Variants in CFTR observed in about 807,000 individuals in gnomAD.
The protein encoded by CFTR is cystic fibrosis transmembrane conductance regulator.
Under a neutral mutation model 171.6 loss-of-function variants are expected in CFTR, and 181 were observed. The observed-to-expected ratio is 1.05, with a 90% CI of 0.93 to 1.19. The LOEUF (loss-of-function observed/expected upper bound fraction) is 1.19. Among genes scored for constraint, CFTR ranks in the 50% most tolerant of loss-of-function variants. The pLI, the probability that CFTR is intolerant of heterozygous loss-of-function variation, is 0.00. For missense variants in CFTR, 1,968 were observed against 1,734.7 expected (o/e 1.13, Z -2.39); for synonymous variants, 583 against 608.0 (o/e 0.96, Z 0.60).
At position 117,662,918 on chromosome 7, in the gene CFTR, A is replaced by G. The variant is rs1215303607; in HGVS notation, c.3964-1770A>G. On this transcript the variant is annotated intron_variant, in intron 24 of 26. Transcript: ENST00000003084. The stretch of plus-strand genomic sequence containing the variant: ...GTCTGGAGAGTTGGAAATGACAAAG[A>G]CTAATATTCAAGGGGGCAGGAAGAG... 2.0e-5 allele frequency among the ~76,000 whole-genome samples: 3 copies of G among 152,190 alleles called. No individual in the cohort carries two copies. The South Asian group carries it at 6.2e-4, about 32-fold the overall frequency.
intron 13 of CFTR, among the ~76,000 whole-genome samples, chr7:117,590,842 GT>G (rs1240564806): frequency 1.3e-5 from 2 of 151,960 alleles, no homozygotes; most frequent in Non-Finnish European, 2.9e-5. Flanking sequence ...TATATGCTAA[GT>G]GTTTTACTGG....
At chr7:117,572,214 T>C (rs1422455397) in intron 11 of CFTR, among the ~76,000 whole-genome samples, 4 of 152,060 alleles carry the variant, frequency 2.6e-5, no homozygotes, top group African/African-American at 9.7e-5. Context: ...GTTGGCCAAG[T>C]TGGTCTGGAA....
At chr7:117,640,696 T>C (rs1233765849) in intron 22 of CFTR, among the ~76,000 whole-genome samples, 1 of 152,194 alleles carries the variant, frequency 6.6e-6, no homozygotes, top group African/African-American at 2.4e-5. Flanking sequence ...ATGAATGTGT[T>C]TGTGCAACAT....
intron 24 of CFTR, among the ~76,000 whole-genome samples, chr7:117,663,480 GT>G (rs1470280971): frequency 7.2e-6 from 1 of 139,780 alleles, no homozygotes; most frequent in African/African-American, 2.7e-5. Context: ...ACTTTCAAAT[GT>G]TTTTTGCTTG....
At chr7:117,607,124 T>C (rs1792311621) in intron 18 of CFTR, among the ~76,000 whole-genome samples, 1 of 152,144 alleles carries the variant, frequency 6.6e-6, no homozygotes, top group African/African-American at 2.4e-5. Context: ...TGTATTAGAA[T>C]GAAGATGGAT....
intron 4 of CFTR, among the ~76,000 whole-genome samples, chr7:117,531,413 C>G (rs1798863817): frequency 6.6e-6 from 1 of 152,020 alleles, no homozygotes; most frequent in African/African-American, 2.4e-5. Flanking sequence ...ATGACTCACA[C>G]AGCCTACATA....
chr7:117,491,426 C>A (rs1798158115), intron 1 of CFTR, among the ~76,000 whole-genome samples: 1 of 151,998 alleles, frequency 6.6e-6, no homozygotes, highest in Non-Finnish European at 1.5e-5. Context: ...AACAAAATAC[C>A]ACAAATTTGG....
chr7:117,547,184 T>C (rs1799160656), intron 9 of CFTR, among the ~76,000 whole-genome samples: 1 of 152,326 alleles, frequency 6.6e-6, no homozygotes, highest in East Asian at 1.9e-4. Context: ...TTTTCAAGCA[T>C]GATTGTTTAT....
At position 117,540,090 on chromosome 7, in the gene CFTR, T is replaced by C; in HGVS notation, c.870-10T>C. On this transcript the variant is annotated splice_polypyrimidine_tract_variant and intron_variant, in intron 7 of 26. Transcript: ENST00000003084. Reference sequence around the variant, plus strand: ...AACATCCTGAATTTTATTGTTATTGTTTTTTATAGAACAGAACTGAAACTG... The same window carrying C: ...AACATCCTGAATTTTATTGTTATTGCTTTTTATAGAACAGAACTGAAACTG... 3 of 1,608,054 alleles carry C rather than the reference T, an allele frequency of 1.9e-6. No individual in the cohort carries two copies. Among genetic ancestry groups the C allele is most frequent in the South Asian group, 1.1e-5 (1 of 90,272 alleles).
chr7:117,594,992 A>AT lies in CFTR; in HGVS notation c.2554dup (p.Tyr852LeufsTer44), dbSNP rs1057517068. 6.2e-7 allele frequency: 1 copy of AT among 1,612,852 alleles called. No homozygotes were observed. The highest frequency in any genetic ancestry group is 1.3e-5 in the African/African-American group (1 of 74,888). On this transcript the variant is annotated frameshift_variant, in exon 15 of 27. Coordinates refer to ENST00000003084, the MANE Select transcript of CFTR (RefSeq NM_000492.4). LOFTEE classifies it high-confidence loss of function. ...TGACTACATGGAACACATACCTTCG[A>AT]TATATTACTGTCCACAAGAGCTTAA...
Position 117,635,292 on chromosome 7 carries a change from A to C in CFTR, c.3718-7146A>C, listed in dbSNP as rs186213393. 2.2e-4 allele frequency among the ~76,000 whole-genome samples: 34 copies of C among 152,110 alleles called. No individual in the cohort carries two copies. In the East Asian group the frequency reaches 6.0e-3, roughly 27 times the overall value. On this transcript the variant is annotated intron_variant, in intron 22 of 26. Coordinates refer to ENST00000003084, the MANE Select transcript of CFTR (RefSeq NM_000492.4). The stretch of plus-strand genomic sequence containing the variant: ...TTTTGGTTGGTGTTAAAATGACTTA[A>C]CTTTCTTTATCCCCCTTACTTTTAG...
At chr7:117,627,352 C>T (rs1159014149) in intron 21 of CFTR, among the ~76,000 whole-genome samples, 170 bp from the exon 22 acceptor site, 1 of 152,104 alleles carries the variant, frequency 6.6e-6, no homozygotes, top group Admixed American at 6.6e-5. Flanking sequence ...TTCAGTTAAA[C>T]TTTTAATTAT....
rs1584786975 is a variant in CFTR at position 117,535,298 on chromosome 7, C to T, written c.630C>T (p.Leu210=). ...GGATCGCTCCTTTGCAAGTGGCACTCCTCATGGGGCTAATCTGGGAGTTGT... is the reference window on the plus strand; with the variant it reads ...GGATCGCTCCTTTGCAAGTGGCACTTCTCATGGGGCTAATCTGGGAGTTGT... The part of the protein sequence containing the change: ...FVWIAPLQVA[L]LMGLIWELLQ... Residue 210 remains leucine, a synonymous_variant, in exon 6 of 27, where the codon CTC becomes CTT. Transcript: ENST00000003084. 3 of 1,613,682 alleles carry T rather than the reference C, an allele frequency of 1.9e-6. No homozygotes were observed. Among genetic ancestry groups the T allele is most frequent in the South Asian group, 1.1e-5 (1 of 91,056 alleles).
chr7:117,621,588 A>G (rs1382655508), intron 21 of CFTR, among the ~76,000 whole-genome samples: 1 of 152,200 alleles, frequency 6.6e-6, no homozygotes, highest in Non-Finnish European at 1.5e-5. Flanking sequence ...ATAAATCTCT[A>G]CAAGACATGT....
At chr7:117,506,951 T>C (rs1798428582) in intron 2 of CFTR, among the ~76,000 whole-genome samples, 1 of 152,224 alleles carries the variant, frequency 6.6e-6, no homozygotes. Context: ...TGGCTTCACA[T>C]TTCATAACTG....
chr7:117,598,394 T>C (rs1792171860), intron 15 of CFTR, among the ~76,000 whole-genome samples: 1 of 152,172 alleles, frequency 6.6e-6, no homozygotes, highest in Non-Finnish European at 1.5e-5. Flanking sequence ...TATAAATTTG[T>C]AAATAACTGA....
At position 117,540,190 on chromosome 7, in the gene CFTR, A is replaced by C. The variant is rs56093012; in HGVS notation, c.960A>C (p.Leu320Phe). ...TCTCAGGGTTCTTTGTGGTGTTTTTATCTGTGCTTCCCTATGCACTAATCA... is the reference window on the plus strand; with the variant it reads ...TCTCAGGGTTCTTTGTGGTGTTTTTCTCTGTGCTTCCCTATGCACTAATCA... ...FFFSGFFVVF[L>F]SVLPYALIKG... The change falls in exon 8 of 27, where the codon TTA becomes TTC. Residue 320 changes from leucine to phenylalanine, a missense_variant. By Grantham distance (22) the Leu-to-Phe change is conservative. Coordinates refer to ENST00000003084, the MANE Select transcript of CFTR (RefSeq NM_000492.4). 2 of 1,614,036 alleles carry C rather than the reference A, an allele frequency of 1.2e-6. No individual in the cohort carries two copies. The highest frequency in any genetic ancestry group is 1.7e-6 in the Non-Finnish European group (2 of 1,179,974).
At position 117,602,866 on chromosome 7, in the gene CFTR, GA is replaced by G. The variant is rs1562911283; in HGVS notation, c.2657+4del. On this transcript the variant is annotated splice_donor_region_variant and intron_variant, in intron 16 of 26. Coordinates refer to ENST00000003084, the MANE Select transcript of CFTR (RefSeq NM_000492.4). ...GTTGTGCTGTGGCTCCTTGGAAAGTGAGTATTCCATGTCCTATTGTGTAGAT... is the reference window on the plus strand; with the variant it reads ...GTTGTGCTGTGGCTCCTTGGAAAGTGGTATTCCATGTCCTATTGTGTAGAT... 1.2e-6 allele frequency: 2 copies of G among 1,611,488 alleles called. No individual in the cohort carries two copies. The highest frequency in any genetic ancestry group is 3.3e-5 in the Admixed American group (2 of 59,990).
In CFTR at chr7:117,642,567, A is replaced by G; in HGVS notation, c.3847A>G (p.Arg1283Gly). Residue 1283 changes from arginine to glycine, a missense_variant, in exon 23 of 27, where the codon AGG becomes GGG. By Grantham distance (125) the Arg-to-Gly change is moderately radical. Transcript: ENST00000003084. The stretch of plus-strand genomic sequence containing the variant: ...GGATTCAATAACTTTGCAACAGTGG[A>G]GGAAAGCCTTTGGAGTGATACCACA... ...SWDSITLQQW[R>G]KAFGVIPQKV... is the part of the protein sequence containing the mutation. 1.2e-6 allele frequency: 2 copies of G among 1,613,542 alleles called. No homozygotes were observed. The highest frequency in any genetic ancestry group is 1.7e-6 in the Non-Finnish European group (2 of 1,179,664).
Sources: gnomAD v4.1 joint callset for allele counts (sites outside exome capture counted in the v4.1 genomes callset) on GRCh38, gnomAD v4.1.1 for gene constraint, MANE v1.5 for transcripts, NCBI Gene and HGNC (gene_info 2026-07-23, HGNC 2026-07-21) for gene names.